Variants in FZD8 observed in about 807,000 individuals in gnomAD.
The protein encoded by FZD8 is frizzled class receptor 8, also known as frizzled-8.
In FZD8, 18 loss-of-function variants were observed where a neutral mutation model predicts 46.0. The ratio of observed to expected loss-of-function variants is 0.39; its 90% CI spans 0.27 to 0.58. The LOEUF is 0.58. Ranked by LOEUF, FZD8 falls within the 20% of genes least tolerant of loss-of-function variation. The pLI is 0.55. For synonymous variants in FZD8, 586 were observed against 467.9 expected (o/e 1.25, Z -3.26); for missense variants, 785 against 983.4 (o/e 0.80, Z 2.70).
rs1835873410 is a variant in FZD8 at position 35,641,975 on chromosome 10, C to T, written c.-546G>A. On this transcript the variant is annotated 5_prime_UTR_variant, in exon 1 of 1. Transcript: ENST00000374694. This position sits in a 1 kb window ranked among gnomAD's most constrained non-coding sequence, Gnocchi z 6.3. ...CTCGGCCCCCGGGGGCTCATGCCCG[C>T]CCCCAAGGCCAAGCCGCCGCCGCCG... 2 of 155,632 alleles carry T rather than the reference C, an allele frequency of 1.3e-5. No individual in the cohort carries two copies. The highest frequency in any genetic ancestry group is 3.3e-3 in the Middle Eastern group (1 of 300). 9.6% of individuals were successfully genotyped at this position (155,632 alleles called of 1,614,324 possible). A position where few individuals can be genotyped will look rare whatever the true frequency, so the allele number is the denominator to read the frequency against.
In FZD8 at chr10:35,639,755, G is replaced by A. The variant is rs760904587; in HGVS notation, c.1675C>T (p.Pro559Ser). 6.2e-7 allele frequency: 1 copy of A among 1,600,696 alleles called. No homozygotes were observed. The highest frequency in any genetic ancestry group is 1.1e-5 in the South Asian group (1 of 91,064). ...ACLFYEQHNR[P>S]RWEATHNCPC... The stretch of plus-strand genomic sequence containing the variant: ...CAGTTGTGCGTGGCCTCCCAGCGCG[G>A]GCGGTTGTGCTGCTCGTAGAAGAGG... The change falls in exon 1 of 1, where the codon CCG (proline) becomes TCG (serine). Residue 559 changes from proline (P) to serine (S), a missense_variant. Around this residue, in one of 5 missense-constraint regions of FZD8, gnomAD observed 147 missense variants for 242.5 expected, o/e 0.61. Transcript: ENST00000374694.
At position 35,640,930 on chromosome 10, in the gene FZD8, A is replaced by T; in HGVS notation, c.500T>A (p.Leu167Gln). ...TTAAPSPPRR[L>Q]PPPPPGEQPP... ...CTGCTCGCCGGGCGGCGGCGGCGGC[A>T]GGCGGCGCGGCGGGCTGGGCGCGGC... Residue 167 changes from leucine to glutamine, a missense_variant, in exon 1 of 1, where the codon CTG becomes CAG. By Grantham distance (113) the Leu-to-Gln change is moderately radical. Transcript: ENST00000374694. The T allele has an allele frequency of 7.8e-7, 1 of 1,281,272 alleles. No homozygotes were observed. The highest frequency in any genetic ancestry group is 9.9e-7 in the Non-Finnish European group (1 of 1,014,860). 79.4% of individuals were successfully genotyped at this position (1,281,272 alleles called of 1,614,324 possible).
At position 35,642,063 on chromosome 10, in the gene FZD8, TCGTC is replaced by T. The variant is rs139457239; in HGVS notation, c.-638_-635del. 4,914 of 153,980 alleles carry T rather than the reference TCGTC, an allele frequency of 0.032. 137 individuals carry two copies. Among genetic ancestry groups the T allele is most frequent in the African/African-American group, 0.069 (2,874 of 41,498 alleles). The allele number at this position is 153,980 out of a possible 1,614,324, so 9.5% of individuals were successfully genotyped here. On this transcript the variant is annotated 5_prime_UTR_variant, in exon 1 of 1. Transcript: ENST00000374694. Reference sequence around the variant, plus strand: ...GCCCTCTTTCTCCGGCGTCCGTCCTTCGTCCGTCCGCCGCCGGGACAGACGGACC... The same window carrying T: ...GCCCTCTTTCTCCGGCGTCCGTCCTTCGTCCGCCGCCGGGACAGACGGACC...
chr10:35,640,327 C>CCCGCGCCCGCGCCCG lies in FZD8; in HGVS notation c.1088_1102dup (p.Ala363_Ala367dup), dbSNP rs777191512. 87 of 1,026,320 alleles carry CCCGCGCCCGCGCCCG rather than the reference C, an allele frequency of 8.5e-5. No individual in the cohort carries two copies. The highest frequency in any genetic ancestry group is 1.1e-4 in the Admixed American group (2 of 17,450). 63.6% of individuals were successfully genotyped at this position (1,026,320 alleles called of 1,614,324 possible). ...GTACTCGCCGCGCCCGCCCGGGCCG[C>CCCGCGCCCGCGCCCG]CCGCGCCCGCGCCCGCCGCGCCCGC... On this transcript the variant is annotated inframe_insertion, in exon 1 of 1. Transcript: ENST00000374694.
At position 35,640,342 on chromosome 10, in the gene FZD8, GCCGCGC is replaced by G. The variant is rs1012527420; in HGVS notation, c.1082_1087del (p.Gly361_Ala362del). On this transcript the variant is annotated inframe_deletion, in exon 1 of 1. Transcript: ENST00000374694. ...GCCCGGGCCGCCCGCGCCCGCGCCC[GCCGCGC>G]CCGCGCCCGCCGCCGCGCCGCCCGC... The G allele has an allele frequency of 3.0e-4, 287 of 964,964 alleles. No homozygotes were observed. The highest frequency in any genetic ancestry group is 5.1e-4 in the Admixed American group (8 of 15,670). 59.8% of individuals were successfully genotyped at this position (964,964 alleles called of 1,614,324 possible).
chr10:35,641,063 G>T lies in FZD8; in HGVS notation c.367C>A (p.Arg123Ser). The change falls in exon 1 of 1, where the codon CGC becomes AGC. Residue 123 changes from arginine (R) to serine (S), a missense_variant. By Grantham distance (110) the Arg-to-Ser change is moderately radical. Transcript: ENST00000374694. The surrounding 1 kb of genome is among the most constrained non-coding windows in gnomAD (Gnocchi z 6.3). ...RAKAGCAPLM[R>S]QYGFAWPDRM... ...TCGGGCCAGGCGAAGCCGTACTGGC[G>T]CATGAGCGGCGCGCAGCCGGCCTTG... 1 of 1,609,838 alleles carries T rather than the reference G, an allele frequency of 6.2e-7. No individual in the cohort carries two copies. The highest frequency in any genetic ancestry group is 8.5e-7 in the Non-Finnish European group (1 of 1,178,676).
At position 35,641,353 on chromosome 10, in the gene FZD8, G is replaced by C. The variant is rs1342816790; in HGVS notation, c.77C>G (p.Ala26Gly). Reference sequence around the variant, plus strand: ...TGCCAGCTCCTTGGCCGAGGCGGCCGCAGCGCCGCTAGAGCGCTGCAGCAG... The same window carrying C: ...TGCCAGCTCCTTGGCCGAGGCGGCCCCAGCGCCGCTAGAGCGCTGCAGCAG... ...LALLQRSSGAAAASAKELACQ... is the reference protein window; with the variant it reads ...LALLQRSSGAGAASAKELACQ... Residue 26 changes from alanine (A) to glycine (G), a missense_variant, in exon 1 of 1, where the codon GCG becomes GGG. Around this residue, in one of 5 missense-constraint regions of FZD8, gnomAD observed 354 missense variants for 433.2 expected, o/e 0.82. Transcript: ENST00000374694. This position sits in a 1 kb window ranked among gnomAD's most constrained non-coding sequence, Gnocchi z 6.3. 3.1e-6 allele frequency: 5 copies of C among 1,613,488 alleles called. No individual in the cohort carries two copies. The East Asian group carries it at 1.1e-4, about 36-fold the overall frequency.
At position 35,639,598 on chromosome 10, in the gene FZD8, T is replaced by G. The variant is rs1457056344; in HGVS notation, c.1832A>C (p.Glu611Ala). ...GVWVWSGKTL[E>A]SWRSLCTRCC... ...GCGGGTGCACAGGGAGCGCCAGGAC[T>G]CCAGCGTCTTGCCGGACCAGACCCA... Residue 611 changes from glutamate to alanine, a missense_variant, in exon 1 of 1, where the codon GAG (glutamate) becomes GCG (alanine). Physicochemically the swap from Glu to Ala is moderately radical, Grantham distance 107. Coordinates refer to ENST00000374694, the MANE Select transcript of FZD8 (RefSeq NM_031866.3). 1.3e-6 allele frequency: 2 copies of G among 1,597,048 alleles called. No individual in the cohort carries two copies. Among genetic ancestry groups the G allele is most frequent in the Admixed American group, 3.3e-5 (2 of 59,946 alleles).
At position 35,640,125 on chromosome 10, in the gene FZD8, G is replaced by A. The variant is rs770960974; in HGVS notation, c.1305C>T (p.Ala435=). ...CCAGGTGGAAGTACTGCGAGTAGCC[G>A]GCGATGGCTTCGTTGCCCCACTTCA... ...AGMKWGNEAI[A]GYSQYFHLAA... The change falls in exon 1 of 1, where the codon GCC becomes GCT. Residue 435 remains alanine (A), a synonymous_variant. Coordinates refer to ENST00000374694, the MANE Select transcript of FZD8 (RefSeq NM_031866.3). The A allele has an allele frequency of 1.9e-6, 3 of 1,613,064 alleles. No homozygotes were observed. The highest frequency in any genetic ancestry group is 1.7e-5 in the Admixed American group (1 of 59,992).
Position 35,639,272 on chromosome 10 carries a change from C to G in FZD8, c.*73G>C, listed in dbSNP as rs1044731853. 12 of 697,882 alleles carry G rather than the reference C, an allele frequency of 1.7e-5. No homozygotes were observed. The highest frequency in any genetic ancestry group is 1.4e-4 in the Admixed American group (4 of 28,320). The allele number at this position is 697,882 out of a possible 1,614,324, so 43.2% of individuals were successfully genotyped here. On this transcript the variant is annotated 3_prime_UTR_variant, in exon 1 of 1. Coordinates refer to ENST00000374694, the MANE Select transcript of FZD8 (RefSeq NM_031866.3). ...TGAAGGGGTGGGAACCTCAGCCCAT[C>G]AAGTGTCCCTTCGCTGCACTTGGCT...
chr10:35,640,341 C>T lies in FZD8; in HGVS notation c.1089G>A (p.Ala363=), dbSNP rs938462784. 1.0e-6 allele frequency: 1 copy of T among 967,048 alleles called. No homozygotes were observed. Among genetic ancestry groups the T allele is most frequent in the East Asian group, 1.2e-4 (1 of 8,690 alleles). The allele number at this position is 967,048 out of a possible 1,614,324, so 59.9% of individuals were successfully genotyped here. Residue 363 remains alanine, a synonymous_variant, in exon 1 of 1, where the codon GCG becomes GCA. Coordinates refer to ENST00000374694, the MANE Select transcript of FZD8 (RefSeq NM_031866.3). ...CGCCCGGGCCGCCCGCGCCCGCGCC[C>T]GCCGCGCCCGCGCCCGCCGCCGCGC... ...AGGAAAGAGA[A]GAGAGGPGGR...
In FZD8 at chr10:35,639,948, G is replaced by A; in HGVS notation, c.1482C>T (p.Phe494=). ...FVLAPLVIYL[F]IGTMFLLAGF... is the part of the protein sequence containing the mutation. ...CGGCCAGCAGGAACATGGTGCCGAT[G>A]AAGAGGTAGATGACCAGCGGCGCCA... The change falls in exon 1 of 1, where the codon TTC becomes TTT. Residue 494 remains phenylalanine (F), a synonymous_variant. Transcript: ENST00000374694. The A allele has an allele frequency of 6.2e-7, 1 of 1,613,210 alleles. No individual in the cohort carries two copies. The highest frequency in any genetic ancestry group is 8.5e-7 in the Non-Finnish European group (1 of 1,179,938).
At position 35,640,329 on chromosome 10, in the gene FZD8, C is replaced by T; in HGVS notation, c.1101G>A (p.Ala367=). Residue 367 remains alanine, a synonymous_variant, in exon 1 of 1, where the codon GCG becomes GCA. Coordinates refer to ENST00000374694, the MANE Select transcript of FZD8 (RefSeq NM_031866.3). ...AAGAGAAGAG[A]GGPGGRGEYE... is the part of the protein sequence containing the mutation. ...ACTCGCCGCGCCCGCCCGGGCCGCC[C>T]GCGCCCGCGCCCGCCGCGCCCGCGC... 2 of 1,024,260 alleles carry T rather than the reference C, an allele frequency of 2.0e-6. No homozygotes were observed. The allele number at this position is 1,024,260 out of a possible 1,614,324, so 63.4% of individuals were successfully genotyped here.
In FZD8 at chr10:35,639,512, C is replaced by A. The variant is rs751428081; in HGVS notation, c.1918G>T (p.Gly640Cys). 9.2e-7 allele frequency: 1 copy of A among 1,082,810 alleles called. No homozygotes were observed. The highest frequency in any genetic ancestry group is 4.4e-5 in the South Asian group (1 of 22,956). 67.1% of individuals were successfully genotyped at this position (1,082,810 alleles called of 1,614,324 possible). A position where few individuals can be genotyped will look rare whatever the true frequency, so the allele number is the denominator to read the frequency against. The change falls in exon 1 of 1, where the codon GGT becomes TGT. Residue 640 changes from glycine (G) to cysteine (C), a missense_variant. Physicochemically the swap from Gly to Cys is radical, Grantham distance 159. This residue lies in a region of FZD8 where 185 missense variants were observed against 180.8 expected (regional missense o/e 1.02). Coordinates refer to ENST00000374694, the MANE Select transcript of FZD8 (RefSeq NM_031866.3). The stretch of plus-strand genomic sequence containing the variant: ...CCGCCGCCCCCCGGCCCGCCGCCAC[C>A]CCCCGCGGCCGTGGCGCCCGCGCCC... ...GGGAGATAAG[G>C]GGGPGGGGGG...
In FZD8 at chr10:35,641,522, G is replaced by C; in HGVS notation, c.-93C>G. 6.8e-7 allele frequency: 1 copy of C among 1,462,130 alleles called. No individual in the cohort carries two copies. Among genetic ancestry groups the C allele is most frequent in the East Asian group, 2.4e-5 (1 of 40,932 alleles). 90.6% of individuals were successfully genotyped at this position (1,462,130 alleles called of 1,614,324 possible). A position where few individuals can be genotyped will look rare whatever the true frequency, so the allele number is the denominator to read the frequency against. On this transcript the variant is annotated 5_prime_UTR_variant, in exon 1 of 1. Coordinates refer to ENST00000374694, the MANE Select transcript of FZD8 (RefSeq NM_031866.3). The surrounding 1 kb of genome is among the most constrained non-coding windows in gnomAD (Gnocchi z 6.3). ...CACGAGAGAGCCGCAGACGGGTACA[G>C]CGGGTGATCTGGGGTCTCCCTTATG... is the stretch of plus-strand genomic sequence containing the variant.
In FZD8 at chr10:35,640,339, C is replaced by CGCCCGCGCCCG; in HGVS notation, c.1090_1091insCGGGCGCGGGC (p.Gly364AlafsTer56). Reference sequence around the variant, plus strand: ...CCCGCCCGGGCCGCCCGCGCCCGCGCCCGCCGCGCCCGCGCCCGCCGCCGC... The same window carrying CGCCCGCGCCCG: ...CCCGCCCGGGCCGCCCGCGCCCGCGCGCCCGCGCCCGCCGCCGCGCCCGCGCCCGCCGCCGC... On this transcript the variant is annotated frameshift_variant, in exon 1 of 1. Transcript: ENST00000374694. LOFTEE classifies it high-confidence loss of function. 5 of 964,428 alleles carry CGCCCGCGCCCG rather than the reference C, an allele frequency of 5.2e-6. No individual in the cohort carries two copies. Among genetic ancestry groups the CGCCCGCGCCCG allele is most frequent in the Non-Finnish European group, 6.1e-6 (5 of 813,830 alleles). The allele number at this position is 964,428 out of a possible 1,614,324, so 59.7% of individuals were successfully genotyped here.
chr10:35,640,265 C>T lies in FZD8; in HGVS notation c.1165G>A (p.Glu389Lys), dbSNP rs772703926. 2.5e-6 allele frequency: 4 copies of T among 1,603,834 alleles called. No homozygotes were observed. The highest frequency in any genetic ancestry group is 2.2e-5 in the East Asian group (1 of 44,758). Residue 389 changes from glutamate to lysine, a missense_variant, in exon 1 of 1, where the codon GAG becomes AAG. By Grantham distance (56) the Glu-to-Lys change is moderately conservative. This residue lies in a region of FZD8 where 88 missense variants were observed against 83.6 expected (regional missense o/e 1.05). Coordinates refer to ENST00000374694, the MANE Select transcript of FZD8 (RefSeq NM_031866.3). ...GTGCACAGCGCGGGGCCGGTGGTCT[C>T]GTAGCGCACGTGCTGCTCCACCGCG... ...LGAVEQHVRY[E>K]TTGPALCTVV...
In FZD8 at chr10:35,639,316, ACCCCTCCTGGGCGCCCCCTCCCCT is replaced by A; in HGVS notation, c.*5_*28del. On this transcript the variant is annotated 3_prime_UTR_variant, in exon 1 of 1. Transcript: ENST00000374694. ...CTTGGCTCTCCTCGCCCCCCTCCCCACCCCTCCTGGGCGCCCCCTCCCCTCCGCTCAGACCTGGGACAATGGCAT... is the reference window on the plus strand; with the variant it reads ...CTTGGCTCTCCTCGCCCCCCTCCCCACCGCTCAGACCTGGGACAATGGCAT... The A allele has an allele frequency of 5.5e-6, 1 of 183,442 alleles. No individual in the cohort carries two copies. The highest frequency in any genetic ancestry group is 1.1e-5 in the Non-Finnish European group (1 of 88,228). 11.4% of individuals were successfully genotyped at this position (183,442 alleles called of 1,614,324 possible).
Position 35,641,183 on chromosome 10 carries a change from C to G in FZD8, c.247G>C (p.Asp83His). Residue 83 changes from aspartate (D) to histidine (H), a missense_variant, in exon 1 of 1, where the codon GAT becomes CAT. By Grantham distance (81) the Asp-to-His change is moderately conservative (BLOSUM62 -1). Transcript: ENST00000374694. The surrounding 1 kb of genome is among the most constrained non-coding windows in gnomAD (Gnocchi z 6.3). ...ATGCTGCACAGGAAGAACTTGAGAT[C>G]GGGCGAGCACTGGATCTCCACCAGC... ...WPLVEIQCSP[D>H]LKFFLCSMYT... 1 of 1,613,980 alleles carries G rather than the reference C, an allele frequency of 6.2e-7. No individual in the cohort carries two copies. The highest frequency in any genetic ancestry group is 1.3e-5 in the African/African-American group (1 of 75,044).
Sources: allele counts gnomAD v4.1 joint callset, GRCh38; gene constraint gnomAD v4.1.1; regional missense constraint gnomAD v4.1.1; non-coding constraint Gnocchi (gnomAD v3.1); transcripts MANE v1.5; gene names NCBI Gene and HGNC (gene_info 2026-07-23, HGNC 2026-07-21).